The following SMCO3 variants were observed in gnomAD, a reference collection of about 807,000 sequenced individuals.
SMCO3 encodes single-pass membrane and coiled-coil domain-containing protein 3.
Under a neutral mutation model 12.0 loss-of-function variants are expected in SMCO3, and 6 were observed. The observed-to-expected ratio is 0.50, with a 90% CI of 0.27 to 0.99. The LOEUF (loss-of-function observed/expected upper bound fraction) is 0.99. Ranked by LOEUF, SMCO3 falls within the 50% of genes least tolerant of loss-of-function variation. SMCO3 has a pLI of 0.11. For missense variants in SMCO3, 279 were observed against 265.0 expected (o/e 1.05, Z -0.37); for synonymous variants, 96 against 96.4 (o/e 1.00, Z 0.02).
chr12:14,808,133 C>G (rs943843064), intron 1 of SMCO3, among the ~76,000 whole-genome samples: 7 of 151,888 alleles, frequency 4.6e-5, no homozygotes, highest in Non-Finnish European at 8.8e-5. Flanking sequence ...CCACTGCACT[C>G]CAGCCTGGGC....
At position 14,805,816 on chromosome 12, in the gene SMCO3, TC is replaced by T. The variant is rs1196449097; in HGVS notation, c.*186del. The T allele has an allele frequency of 1.1e-5, 7 of 656,804 alleles. No individual in the cohort carries two copies. Among genetic ancestry groups the T allele is most frequent in the Admixed American group, 6.3e-5 (2 of 31,848 alleles). The allele number at this position is 656,804 out of a possible 1,614,324, so 40.7% of individuals were successfully genotyped here. On this transcript the variant is annotated 3_prime_UTR_variant, in exon 2 of 2. Coordinates refer to ENST00000316048, the MANE Select transcript of SMCO3 (RefSeq NM_001013698.2). Reference sequence around the variant, plus strand: ...CCTCACAGGGTCTAGCATCAGCTGATCCAGGCATTGTTGACTCAAAACTCAT... The same window carrying T: ...CCTCACAGGGTCTAGCATCAGCTGATCAGGCATTGTTGACTCAAAACTCAT...
rs1950057797 is a variant in SMCO3, at chr12:14,806,698, T to C, written c.-16-2A>G. On this transcript the variant is annotated splice_acceptor_variant, in intron 1 of 1. Transcript: ENST00000316048. LOFTEE classifies it low-confidence loss of function (5UTR_SPLICE). Reference sequence around the variant, plus strand: ...TGGGCCATATTTCCAATATGATCGCTGAAAAATAAAATGGTAAATTTTTAC... The same window carrying C: ...TGGGCCATATTTCCAATATGATCGCCGAAAAATAAAATGGTAAATTTTTAC... 1 of 1,557,300 alleles carries C rather than the reference T, an allele frequency of 6.4e-7. No homozygotes were observed. Among genetic ancestry groups the C allele is most frequent in the African/African-American group, 1.4e-5 (1 of 72,268 alleles).
rs963431672 is a variant in SMCO3, at chr12:14,811,569, G to A, written c.-17+2557C>T. Among the ~76,000 whole-genome samples, 16 of 152,182 alleles carry A rather than the reference G, an allele frequency of 1.1e-4. 1 individual carries two copies. Among genetic ancestry groups the A allele is most frequent in the Admixed American group, 8.5e-4 (13 of 15,282 alleles). ...GGTTAGCTTGAGATGGATGCTTACT[G>A]CACCTAACCTTGTTAATTTTTTTGA... is the stretch of plus-strand genomic sequence containing the variant. On this transcript the variant is annotated intron_variant, in intron 1 of 1. Transcript: ENST00000316048.
chr12:14,813,344 T>TA (rs1950169495), intron 1 of SMCO3, among the ~76,000 whole-genome samples: 1 of 152,188 alleles, frequency 6.6e-6, no homozygotes, highest in Admixed American at 6.5e-5. Flanking sequence ...AAATAGGGTA[T>TA]AGGTAAAATC....
rs1375995181 is a variant in SMCO3 at position 14,805,919 on chromosome 12, T to A, written c.*84A>T. On this transcript the variant is annotated 3_prime_UTR_variant, in exon 2 of 2. Coordinates refer to ENST00000316048, the MANE Select transcript of SMCO3 (RefSeq NM_001013698.2). Reference sequence around the variant, plus strand: ...TATTTAAGTCCATATTGGAAGCCTATAGAAAATGAACCTAATCAAAGAAGC... The same window carrying A: ...TATTTAAGTCCATATTGGAAGCCTAAAGAAAATGAACCTAATCAAAGAAGC... The A allele has an allele frequency of 2.2e-6, 3 of 1,350,718 alleles. No individual in the cohort carries two copies. The highest frequency in any genetic ancestry group is 1.9e-4 in the Middle Eastern group (1 of 5,280). The allele number at this position is 1,350,718 out of a possible 1,614,324, so 83.7% of individuals were successfully genotyped here. A position where few individuals can be genotyped will look rare whatever the true frequency, so the allele number is the denominator to read the frequency against.
chr12:14,812,560 G>T (rs1309537254), intron 1 of SMCO3, among the ~76,000 whole-genome samples: 1 of 152,048 alleles, frequency 6.6e-6, no homozygotes, highest in East Asian at 1.9e-4. Context: ...GATACCCACA[G>T]ATTTTTTTTC....
intron 1 of SMCO3, among the ~76,000 whole-genome samples, chr12:14,809,397 C>A (rs1177245452): frequency 1.3e-5 from 2 of 151,996 alleles, no homozygotes; most frequent in African/African-American, 4.8e-5. Context: ...CTCTTCTCCC[C>A]CCAGTATTAA....
At chr12:14,807,935 GCAGGTGAATAACTTGAGGC>G (rs764860645) in intron 1 of SMCO3, among the ~76,000 whole-genome samples, 1 of 152,182 alleles carries the variant, frequency 6.6e-6, no homozygotes, top group Admixed American at 6.5e-5. Flanking sequence ...GGAGGCCCAG[GCAGGTGAATAACTTGAGGC>G]CAGGAGTTCA....
intron 1 of SMCO3, among the ~76,000 whole-genome samples, 159 bp downstream of exon 1, chr12:14,813,967 A>C (rs562021477): frequency 1.3e-5 from 2 of 152,262 alleles, no homozygotes; most frequent in Non-Finnish European, 2.9e-5. Context: ...CTTCCAAATC[A>C]CAAGGAACAT....
At chr12:14,811,350 G>A (rs1031350260) in intron 1 of SMCO3, among the ~76,000 whole-genome samples, 2 of 152,082 alleles carry the variant, frequency 1.3e-5, no homozygotes, top group South Asian at 4.1e-4. Context: ...TTGCTGGACT[G>A]GAGCAGCTGT....
intron 1 of SMCO3, among the ~76,000 whole-genome samples, chr12:14,812,211 G>C (rs543068960): frequency 6.6e-6 from 1 of 152,318 alleles, no homozygotes; most frequent in South Asian, 2.1e-4. Context: ...TTGGGAGGCC[G>C]AGGCGGGCGG....
intron 1 of SMCO3, among the ~76,000 whole-genome samples, chr12:14,812,423 G>T (rs1173951999): frequency 6.6e-6 from 1 of 151,830 alleles, no homozygotes; most frequent in Non-Finnish European, 1.5e-5. Context: ...CGGCCTGGGT[G>T]ACAGAGGGAG....
At position 14,806,145 on chromosome 12, in the gene SMCO3, A is replaced by G; in HGVS notation, c.536T>C (p.Ile179Thr). The change falls in exon 2 of 2, where the codon ATC (isoleucine) becomes ACC (threonine). Residue 179 changes from isoleucine (I) to threonine (T), a missense_variant. Transcript: ENST00000316048. Reference sequence around the variant, plus strand: ...CTGTGTTTTTTCCACTGCTCCCAGGATGGCACGGACAATCATATCTATGCC... The same window carrying G: ...CTGTGTTTTTTCCACTGCTCCCAGGGTGGCACGGACAATCATATCTATGCC... Reference protein sequence around the residue: ...GLGIDMIVRAILGAVEKTQLQ... With the variant: ...GLGIDMIVRATLGAVEKTQLQ... The G allele has an allele frequency of 6.2e-7, 1 of 1,614,150 alleles. No homozygotes were observed. Among genetic ancestry groups the G allele is most frequent in the Non-Finnish European group, 8.5e-7 (1 of 1,180,042 alleles).
intron 1 of SMCO3, among the ~76,000 whole-genome samples, chr12:14,813,535 A>G (rs1486781599): frequency 6.6e-6 from 1 of 152,268 alleles, no homozygotes; most frequent in Non-Finnish European, 1.5e-5. Flanking sequence ...GTCATTCATC[A>G]GCATTTATCA....
Position 14,806,557 on chromosome 12 carries a change from C to T in SMCO3, c.124G>A (p.Val42Ile). The T allele has an allele frequency of 6.2e-7, 1 of 1,614,150 alleles. No individual in the cohort carries two copies. The highest frequency in any genetic ancestry group is 8.5e-7 in the Non-Finnish European group (1 of 1,180,048). Residue 42 changes from valine (V) to isoleucine (I), a missense_variant, in exon 2 of 2, where the codon GTT becomes ATT. Physicochemically the swap from Val to Ile is conservative, Grantham distance 29. Transcript: ENST00000316048. ...CTGCACCCCAAGTGCATATTTAGAACCTCAGTCAGCTTATTGGTGACATCG... is the reference window on the plus strand; with the variant it reads ...CTGCACCCCAAGTGCATATTTAGAATCTCAGTCAGCTTATTGGTGACATCG... Reference protein sequence around the residue: ...SFDVTNKLTEVLNMHLGCRLA... With the variant: ...SFDVTNKLTEILNMHLGCRLA...
chr12:14,809,893 ATGG>A (rs1950109757), intron 1 of SMCO3, among the ~76,000 whole-genome samples: 1 of 152,218 alleles, frequency 6.6e-6, no homozygotes, highest in Admixed American at 6.5e-5. Flanking sequence ...ATCTAATAAA[ATGG>A]TGGGAAAAGT....
In SMCO3 at chr12:14,806,350, C is replaced by T. The variant is rs186323170; in HGVS notation, c.331G>A (p.Ala111Thr). ...ACCGAAATAACCTTTTGCACTATTG[C>T]AATTTTGTCTGTTTCCTTTTCCTTA... ...DIKEKETDKI[A>T]IVQKVISVIL... The change falls in exon 2 of 2, where the codon GCA becomes ACA. Residue 111 changes from alanine (A) to threonine (T), a missense_variant. Transcript: ENST00000316048. 1.3e-4 allele frequency: 204 copies of T among 1,614,192 alleles called. No homozygotes were observed. Among genetic ancestry groups the T allele is most frequent in the Non-Finnish European group, 5.5e-5 (65 of 1,180,032 alleles).
Position 14,805,897 on chromosome 12 carries a change from T to G in SMCO3, c.*106A>C. 8.7e-7 allele frequency: 1 copy of G among 1,145,828 alleles called. No homozygotes were observed. Among genetic ancestry groups the G allele is most frequent in the Non-Finnish European group, 1.2e-6 (1 of 804,552 alleles). The allele number at this position is 1,145,828 out of a possible 1,614,324, so 71.0% of individuals were successfully genotyped here. ...TCCCTCTCCAAATTGTTTATCTTAT[T>G]TAAGTCCATATTGGAAGCCTATAGA... is the stretch of plus-strand genomic sequence containing the variant. On this transcript the variant is annotated 3_prime_UTR_variant, in exon 2 of 2. Transcript: ENST00000316048.
rs759041348 is a variant in SMCO3, at chr12:14,806,617, G to A, written c.64C>T (p.His22Tyr). 56 of 1,613,784 alleles carry A rather than the reference G, an allele frequency of 3.5e-5. No individual in the cohort carries two copies. Among genetic ancestry groups the A allele is most frequent in the Non-Finnish European group, 4.0e-5 (47 of 1,179,936 alleles). The change falls in exon 2 of 2, where the codon CAC becomes TAC. Residue 22 changes from histidine to tyrosine, a missense_variant. By Grantham distance (83) the His-to-Tyr change is moderately conservative. Transcript: ENST00000316048. Reference sequence around the variant, plus strand: ...GATAAGCAATCAAGAAGCTGCTGGTGAAGACGATTTACTTCTTCCCGCCTT... The same window carrying A: ...GATAAGCAATCAAGAAGCTGCTGGTAAAGACGATTTACTTCTTCCCGCCTT... ...PKRREEVNRL[H>Y]QQLLDCLSDS...
Sources: allele counts gnomAD v4.1 joint callset (sites outside exome capture counted in the v4.1 genomes callset), GRCh38; gene constraint gnomAD v4.1.1; transcripts MANE v1.5; gene names NCBI Gene and HGNC (gene_info 2026-07-23, HGNC 2026-07-21).